The following ALK variants were observed in gnomAD, a reference collection of about 807,000 sequenced individuals.
ALK encodes ALK receptor tyrosine kinase, also known as ALK tyrosine kinase receptor.
Under a neutral mutation model 163.1 loss-of-function variants are expected in ALK, and 74 were observed. That is an observed-to-expected ratio of 0.45 (90% CI 0.38 to 0.55). The LOEUF is 0.55. Ranked by LOEUF, ALK falls within the 20% of genes least tolerant of loss-of-function variation. The pLI is 0.00. For missense variants in ALK, 2,063 were observed against 2,105.3 expected (o/e 0.98, Z 0.39); for synonymous variants, 960 against 843.2 (o/e 1.14, Z -2.40).
At chr2:29,402,330 C>T (rs566236504) in intron 4 of ALK, among the ~76,000 whole-genome samples, 11 of 152,332 alleles carry the variant, frequency 7.2e-5, no homozygotes, top group East Asian at 1.9e-4. Context: ...TGTGCCTACT[C>T]GGCGTCTGGC....
In ALK at chr2:29,677,552, G is replaced by A. The variant is rs565037698; in HGVS notation, c.952+17298C>T. 5.9e-5 allele frequency among the ~76,000 whole-genome samples: 9 copies of A among 152,072 alleles called. No homozygotes were observed. The South Asian group carries it at 1.9e-3, about 32-fold the overall frequency. On this transcript the variant is annotated intron_variant, in intron 3 of 28. Coordinates refer to ENST00000389048, the MANE Select transcript of ALK (RefSeq NM_004304.5). ...TTATTGAGATAGCCAAACGGCTTAT[G>A]TACTTTATCCTATTAACATGGTATA... is the stretch of plus-strand genomic sequence containing the variant.
chr2:29,208,093 A>T (rs766413861), intron 25 of ALK: 1 of 452,412 alleles, frequency 2.2e-6, no homozygotes, highest in South Asian at 1.6e-5. Context: ...TCTCCCAAGG[A>T]TATTGTTTAG....
In ALK at chr2:29,920,870, G is replaced by C. The variant is rs770650212; in HGVS notation, c.-211C>G. On this transcript the variant is annotated 5_prime_UTR_variant, in exon 1 of 29. Transcript: ENST00000389048. The stretch of plus-strand genomic sequence containing the variant: ...AAATGAAACAGACCTGGAAGCTCAG[G>C]GGCGAGTCCAGAGACACTCAAGCAC... The C allele has an allele frequency of 1.1e-4, 66 of 591,854 alleles. No homozygotes were observed. The highest frequency in any genetic ancestry group is 1.8e-4 in the Non-Finnish European group (60 of 333,382). The allele number at this position is 591,854 out of a possible 1,614,324, so 36.7% of individuals were successfully genotyped here. A position where few individuals can be genotyped will look rare whatever the true frequency, so the allele number is the denominator to read the frequency against.
chr2:29,920,900 G>A lies in ALK; in HGVS notation c.-241C>T, dbSNP rs889967527. 15 of 558,730 alleles carry A rather than the reference G, an allele frequency of 2.7e-5. No homozygotes were observed. Among genetic ancestry groups the A allele is most frequent in the African/African-American group, 2.7e-4 (14 of 52,798 alleles). The allele number at this position is 558,730 out of a possible 1,614,324, so 34.6% of individuals were successfully genotyped here. On this transcript the variant is annotated 5_prime_UTR_variant, in exon 1 of 29. Transcript: ENST00000389048. ...AGTCCAGAGACACTCAAGCACACTG[G>A]GCTCACTGGCTGGGACCTTGAGCCT... is the stretch of plus-strand genomic sequence containing the variant.
At chr2:29,502,682 G>A (rs1036013265) in intron 4 of ALK, among the ~76,000 whole-genome samples, 8 of 150,802 alleles carry the variant, frequency 5.3e-5, no homozygotes, top group Non-Finnish European at 8.8e-5. Flanking sequence ...ATGAGATGGG[G>A]CACATATTTT....
intron 9 of ALK, among the ~76,000 whole-genome samples, chr2:29,291,280 C>T (rs926762698): frequency 6.6e-6 from 1 of 152,152 alleles, no homozygotes; most frequent in African/African-American, 2.4e-5. Flanking sequence ...AGGAGGATTG[C>T]TTGAGCTCAG....
chr2:29,658,673 G>A (rs987288104), intron 3 of ALK, among the ~76,000 whole-genome samples: 2 of 152,184 alleles, frequency 1.3e-5, no homozygotes, highest in Non-Finnish European at 2.9e-5. Flanking sequence ...ATATGCAAGT[G>A]TGACGAGTGC....
In ALK at chr2:29,222,424, G is replaced by A; in HGVS notation, c.3451-16C>T. ...CAGGCAGCGTCTGGGCAGAGAAGGG[G>A]AGGGTGGGGAGGAGGAGGAGGCTGT... On this transcript the variant is annotated splice_polypyrimidine_tract_variant and intron_variant, in intron 21 of 28. Coordinates refer to ENST00000389048, the MANE Select transcript of ALK (RefSeq NM_004304.5). 2 of 1,614,044 alleles carry A rather than the reference G, an allele frequency of 1.2e-6. No individual in the cohort carries two copies. The highest frequency in any genetic ancestry group is 1.7e-6 in the Non-Finnish European group (2 of 1,179,954).
intron 5 of ALK, among the ~76,000 whole-genome samples, chr2:29,345,419 T>C (rs1185079995): frequency 9.3e-6 from 1 of 107,434 alleles, no homozygotes; most frequent in Non-Finnish European, 2.2e-5. Context: ...TTAATTTAAA[T>C]AAATAAATAA....
intron 1 of ALK, among the ~76,000 whole-genome samples, chr2:29,755,785 T>C (rs905075992): frequency 2.0e-5 from 3 of 152,144 alleles, no homozygotes; most frequent in African/African-American, 7.2e-5. Flanking sequence ...GTGCTGTTCC[T>C]GCGGGGCTGT....
chr2:29,329,393 G>A (rs191175076), intron 5 of ALK, among the ~76,000 whole-genome samples: 1 of 152,346 alleles, frequency 6.6e-6, no homozygotes, highest in Non-Finnish European at 1.5e-5. Context: ...CCTGGCTGGT[G>A]CCTCCTGCTA....
At chr2:29,793,228 A>G (rs1275101845) in intron 1 of ALK, among the ~76,000 whole-genome samples, 1 of 152,136 alleles carries the variant, frequency 6.6e-6, no homozygotes, top group Non-Finnish European at 1.5e-5. Context: ...CATCCGTTCA[A>G]GTTTGATCAT....
intron 3 of ALK, among the ~76,000 whole-genome samples, chr2:29,694,107 T>C (rs907474976): frequency 1.3e-5 from 2 of 152,192 alleles, no homozygotes; most frequent in Non-Finnish European, 2.9e-5. Flanking sequence ...AGATTTGGCT[T>C]GGTGAGACAT....
At chr2:29,670,530 C>T (rs1194310916) in intron 3 of ALK, among the ~76,000 whole-genome samples, 3 of 151,868 alleles carry the variant, frequency 2.0e-5, no homozygotes, top group African/African-American at 7.3e-5. Context: ...GTTCATAGAC[C>T]TTGGATTTGT....
At chr2:29,851,218 C>A (rs1274627867) in intron 1 of ALK, among the ~76,000 whole-genome samples, 1 of 152,150 alleles carries the variant, frequency 6.6e-6, no homozygotes, top group African/African-American at 2.4e-5. Context: ...ACAGAAAAGG[C>A]CCTTCTCTGC....
At position 29,666,141 on chromosome 2, in the gene ALK, C is replaced by T. The variant is rs528318378; in HGVS notation, c.952+28709G>A. Among the ~76,000 whole-genome samples the T allele has an allele frequency of 4.6e-5, 7 of 152,176 alleles. No homozygotes were observed. The South Asian group carries it at 8.3e-4, about 18-fold the overall frequency. On this transcript the variant is annotated intron_variant, in intron 3 of 28. Coordinates refer to ENST00000389048, the MANE Select transcript of ALK (RefSeq NM_004304.5). ...AAGATGTATTACATCTACTCTATTC[C>T]GTTAGTCTACTCATCAAAAAAGCAA... is the stretch of plus-strand genomic sequence containing the variant.
chr2:29,366,114 TAA>T (rs1378850668), intron 5 of ALK, among the ~76,000 whole-genome samples: 1 of 152,158 alleles, frequency 6.6e-6, no homozygotes. Context: ...TCCTTGAGTC[TAA>T]AAAGCTAAAC....
rs1020153617 is a variant in ALK, at chr2:29,921,555, G to A, written c.-896C>T. ...GCGGGAGGTACCAGCTGCTACCACC[G>A]CTGCCGCCCCCAGAGCCGCTGGATC... On this transcript the variant is annotated 5_prime_UTR_variant, in exon 1 of 29. Transcript: ENST00000389048. 24 of 231,226 alleles carry A rather than the reference G, an allele frequency of 1.0e-4. No homozygotes were observed. Among genetic ancestry groups the A allele is most frequent in the African/African-American group, 4.9e-4 (22 of 45,238 alleles). The allele number at this position is 231,226 out of a possible 1,614,324, so 14.3% of individuals were successfully genotyped here. A position where few individuals can be genotyped will look rare whatever the true frequency, so the allele number is the denominator to read the frequency against.
intron 9 of ALK, among the ~76,000 whole-genome samples, chr2:29,287,764 A>G (rs1371384484): frequency 6.6e-6 from 1 of 151,368 alleles, no homozygotes; most frequent in Non-Finnish European, 1.5e-5. Context: ...GCCAGAGGAA[A>G]GGCCCACCCT....
Sources: allele counts gnomAD v4.1 joint callset (sites outside exome capture counted in the v4.1 genomes callset), GRCh38; gene constraint gnomAD v4.1.1; transcripts MANE v1.5; gene names NCBI Gene and HGNC (gene_info 2026-07-23, HGNC 2026-07-21).